The following PCDH7 variants were observed in gnomAD, a reference collection of about 807,000 sequenced individuals.
PCDH7 encodes the protein protocadherin 7, also known as protocadherin-7.
PCDH7 carries 17 observed loss-of-function variants against 58.9 expected under a neutral mutation model. The observed-to-expected ratio is 0.29, with a 90% CI of 0.20 to 0.43. The LOEUF (loss-of-function observed/expected upper bound fraction) is 0.43. Among genes scored for constraint, PCDH7 ranks in the 20% least tolerant of loss-of-function variants. The pLI is 1.00. For synonymous variants in PCDH7, 664 were observed against 616.4 expected (o/e 1.08, Z -1.14); for missense variants, 1,274 against 1,441.0 (o/e 0.88, Z 1.88).
intron 1 of PCDH7, among the ~76,000 whole-genome samples, chr4:30,781,442 A>G (rs990295901): frequency 2.7e-5 from 4 of 148,894 alleles, no homozygotes; most frequent in Non-Finnish European, 4.5e-5. Flanking sequence ...ACCCGGCCCC[A>G]AGGCATTCTT....
chr4:30,958,774 T>A (rs562173833), intron 3 of PCDH7, among the ~76,000 whole-genome samples: 114 of 152,068 alleles, frequency 7.5e-4, no homozygotes, highest in Admixed American at 2.2e-3. Flanking sequence ...ATTTCATAAA[T>A]AAACTATTGC....
chr4:30,765,950 T>C (rs1315742775), intron 1 of PCDH7, among the ~76,000 whole-genome samples: 1 of 152,070 alleles, frequency 6.6e-6, no homozygotes, highest in African/African-American at 2.4e-5. Flanking sequence ...CTAACCTGCA[T>C]ATTTATAATT....
intron 3 of PCDH7, among the ~76,000 whole-genome samples, chr4:31,072,618 G>T (rs747601184): frequency 3.9e-5 from 6 of 152,024 alleles, no homozygotes; most frequent in Non-Finnish European, 7.4e-5. Context: ...TAAGAGTGAG[G>T]AACACCATGT....
At chr4:30,931,823 CTTTTTT>C (rs59504939) in intron 2 of PCDH7, among the ~76,000 whole-genome samples, 3 of 140,256 alleles carry the variant, frequency 2.1e-5, no homozygotes, top group Non-Finnish European at 4.6e-5. Flanking sequence ...TTTTTCAGGA[CTTTTTT>C]TTTTTTTTTT....
chr4:31,058,777 T>C (rs1757455139), intron 3 of PCDH7, among the ~76,000 whole-genome samples: 1 of 151,988 alleles, frequency 6.6e-6, no homozygotes, highest in South Asian at 2.1e-4. Flanking sequence ...AAATGTGCTT[T>C]AGATAATGAT....
chr4:30,844,639 A>C (rs2109341317), intron 1 of PCDH7, among the ~76,000 whole-genome samples: 1 of 152,326 alleles, frequency 6.6e-6, no homozygotes. Context: ...TCAATTATTC[A>C]CACAAACCAC....
At chr4:31,137,457 G>A (rs1382226050) in intron 3 of PCDH7, among the ~76,000 whole-genome samples, 2 of 152,128 alleles carry the variant, frequency 1.3e-5, no homozygotes, top group African/African-American at 4.8e-5. Context: ...GGTGGTGCAT[G>A]CCTGTAGTGC....
At chr4:30,947,239 A>G (rs886130989) in intron 2 of PCDH7, among the ~76,000 whole-genome samples, 1 of 152,140 alleles carries the variant, frequency 6.6e-6, no homozygotes, top group Non-Finnish European at 1.5e-5. Context: ...AGTGTTTTCC[A>G]TGCGATTCAT....
At chr4:30,883,090 C>CA (rs1408911427) in intron 1 of PCDH7, among the ~76,000 whole-genome samples, 1 of 152,178 alleles carries the variant, frequency 6.6e-6, no homozygotes, top group African/African-American at 2.4e-5. Flanking sequence ...CACACATGTG[C>CA]ACGGGCACAC....
chr4:31,110,373 AT>A (rs1716136491), intron 3 of PCDH7, among the ~76,000 whole-genome samples: 1 of 152,202 alleles, frequency 6.6e-6, no homozygotes, highest in Admixed American at 6.5e-5. Flanking sequence ...TGTGTTCATG[AT>A]TTGCTACCAA....
chr4:30,980,356 G>T (rs905629002), intron 3 of PCDH7, among the ~76,000 whole-genome samples: 6 of 151,882 alleles, frequency 4.0e-5, no homozygotes, highest in African/African-American at 9.7e-5. Flanking sequence ...TGTTTTTTTT[G>T]TGTGTGTGTC....
exon 4 of PCDH7, chr4:31,142,530 A>T: frequency 7.3e-7 from 1 of 1,367,756 alleles, no homozygotes; most frequent in Non-Finnish European, 9.8e-7. Context: ...GAGTGTGATG[A>T]GTATGGCCAC....
intron 1 of PCDH7, among the ~76,000 whole-genome samples, chr4:30,747,937 T>C (rs1380480656): frequency 6.6e-6 from 1 of 152,214 alleles, no homozygotes; most frequent in African/African-American, 2.4e-5. Flanking sequence ...TATTACTGAA[T>C]AGATACTTTA....
At chr4:31,035,956 T>A (rs1398889073) in intron 3 of PCDH7, among the ~76,000 whole-genome samples, 1 of 152,188 alleles carries the variant, frequency 6.6e-6, no homozygotes, top group African/African-American at 2.4e-5. Flanking sequence ...GTAAGTGGAC[T>A]TTCACCTTTG....
intron 1 of PCDH7, among the ~76,000 whole-genome samples, chr4:30,846,827 T>C (rs1311619198): frequency 6.6e-6 from 1 of 152,094 alleles, no homozygotes; most frequent in Non-Finnish European, 1.5e-5. Flanking sequence ...ATCAGGCTTT[T>C]AACAGACAGG....
intron 1 of PCDH7, among the ~76,000 whole-genome samples, chr4:30,766,460 C>CT (rs1720762956): frequency 6.6e-6 from 1 of 152,056 alleles, no homozygotes; most frequent in African/African-American, 2.4e-5. Context: ...GTGATTTGAT[C>CT]TAACAAGACT....
chr4:30,897,705 G>A lies in PCDH7; in HGVS notation c.71-22448G>A, dbSNP rs536131826. 6.6e-4 allele frequency among the ~76,000 whole-genome samples: 101 copies of A among 152,182 alleles called. 3 individuals are homozygous for A. In the South Asian group the frequency reaches 0.019, roughly 29 times the overall value. On this transcript the variant is annotated intron_variant, in intron 1 of 3. Transcript: ENST00000509759. ...GAGAGTAAATGTAATCAGGTTAGCCGAACTAATTAAAGCACACATAGCTGT... is the reference window on the plus strand; with the variant it reads ...GAGAGTAAATGTAATCAGGTTAGCCAAACTAATTAAAGCACACATAGCTGT...
intron 1 of PCDH7, among the ~76,000 whole-genome samples, chr4:30,741,050 T>G (rs753834986): frequency 6.6e-6 from 1 of 152,190 alleles, no homozygotes; most frequent in Non-Finnish European, 1.5e-5. Context: ...GGATTTTTTT[T>G]CAACTGAGAT....
chr4:31,029,167 T>C (rs994789014), intron 3 of PCDH7, among the ~76,000 whole-genome samples: 1 of 152,218 alleles, frequency 6.6e-6, no homozygotes, highest in East Asian at 1.9e-4. Context: ...TCATTTGTGC[T>C]CTCTGACCAG....
Sources: gnomAD v4.1 joint callset for allele counts (sites outside exome capture counted in the v4.1 genomes callset) on GRCh38, gnomAD v4.1.1 for gene constraint, MANE v1.5 for transcripts, NCBI Gene and HGNC (gene_info 2026-07-23, HGNC 2026-07-21) for gene names.